Variants in NXPE2 observed in about 807,000 individuals in gnomAD.
The protein encoded by NXPE2 is NXPE family member 2.
NXPE2 carries 34 observed loss-of-function variants against 34.4 expected under a neutral mutation model. The observed-to-expected ratio is 0.99, with a 90% confidence interval of 0.75 to 1.31. NXPE2 has a LOEUF of 1.31. Among genes scored for constraint, NXPE2 ranks in the 40% most tolerant of loss-of-function variants. The pLI, the probability that NXPE2 is intolerant of heterozygous loss-of-function variation, is 0.00. For missense variants in NXPE2, 649 were observed against 672.5 expected (o/e 0.97, Z 0.39); for synonymous variants, 235 against 231.3 (o/e 1.02, Z -0.15).
chr11:114,655,762 A>C, the NXPE2 span, among the ~76,000 whole-genome samples: 76,012 of 152,000 alleles, frequency 0.5, 20,173 homozygotes, highest in East Asian at 0.79. Flanking sequence ...ATGTCAAGAA[A>C]AACCTCTCAA....
At chr11:114,554,686 G>T in the NXPE2 span, among the ~76,000 whole-genome samples, 1 of 152,172 alleles carries the variant, frequency 6.6e-6, no homozygotes. Context: ...TTTATTAACA[G>T]TACTGTGATA....
At chr11:114,490,738 C>T in the NXPE2 span, among the ~76,000 whole-genome samples, 16 of 152,198 alleles carry the variant, frequency 1.1e-4, no homozygotes, top group Non-Finnish European at 2.2e-4. Flanking sequence ...AGACCTAAAA[C>T]CATAAAAACC....
the NXPE2 span, among the ~76,000 whole-genome samples, chr11:114,640,684 A>T: frequency 2.0e-5 from 3 of 151,890 alleles, no homozygotes; most frequent in Admixed American, 6.6e-5. Flanking sequence ...TTATGCTTTT[A>T]ATTTCCATTT....
At chr11:114,492,829 G>A in the NXPE2 span, among the ~76,000 whole-genome samples, 2,570 of 152,270 alleles carry the variant, frequency 0.017, 84 homozygotes, top group African/African-American at 0.057. Flanking sequence ...ATGAGCCACT[G>A]CACCCAGCCT....
chr11:114,672,273 A>T, the NXPE2 span, among the ~76,000 whole-genome samples: 1 of 152,026 alleles, frequency 6.6e-6, no homozygotes, highest in Non-Finnish European at 1.5e-5. Context: ...CATAAAAACC[A>T]TGAATAATAA....
the NXPE2 span, among the ~76,000 whole-genome samples, chr11:114,516,956 A>C: frequency 6.6e-6 from 1 of 152,174 alleles, no homozygotes; most frequent in African/African-American, 2.4e-5. Flanking sequence ...GGCATCATGC[A>C]GTATTGCAAT....
At chr11:114,611,642 G>A in the NXPE2 span, among the ~76,000 whole-genome samples, 6 of 146,350 alleles carry the variant, frequency 4.1e-5, no homozygotes, top group African/African-American at 1.0e-4. Flanking sequence ...CTCGTGTGTA[G>A]CCACTGTTAC....
At chr11:114,577,177 TATAA>T in the NXPE2 span, among the ~76,000 whole-genome samples, 23 of 146,990 alleles carry the variant, frequency 1.6e-4, no homozygotes, top group African/African-American at 5.7e-4. Flanking sequence ...TATATATATA[TATAA>T]AATGTTATAC....
the NXPE2 span, among the ~76,000 whole-genome samples, chr11:114,555,594 C>A: frequency 6.6e-6 from 1 of 152,176 alleles, no homozygotes; most frequent in Admixed American, 6.6e-5. Context: ...GTACCCATCA[C>A]AATCAATAAG....
chr11:114,795,098 G>T, the NXPE2 span, among the ~76,000 whole-genome samples: 5 of 152,280 alleles, frequency 3.3e-5, no homozygotes, highest in East Asian at 9.6e-4. Context: ...GTAATCAATG[G>T]TAGTTTTTGC....
chr11:114,747,935 C>T, the NXPE2 span, among the ~76,000 whole-genome samples: 89 of 152,320 alleles, frequency 5.8e-4, 1 homozygote, highest in Admixed American at 3.7e-3. Flanking sequence ...TCCTATTTAG[C>T]TGAATTTTGT....
the NXPE2 span, among the ~76,000 whole-genome samples, chr11:114,744,729 G>A: frequency 1.3e-5 from 2 of 152,170 alleles, no homozygotes; most frequent in Non-Finnish European, 2.9e-5. Flanking sequence ...AAGATCTCTT[G>A]AGCCCAGGAG....
the NXPE2 span, among the ~76,000 whole-genome samples, chr11:114,746,328 C>G: frequency 6.6e-6 from 1 of 152,068 alleles, no homozygotes; most frequent in Admixed American, 6.6e-5. Context: ...GGATTTCTGT[C>G]AAGGATATCA....
At chr11:114,528,733 G>C in the NXPE2 span, 2 of 565,596 alleles carry the variant, frequency 3.5e-6, no homozygotes, top group South Asian at 2.3e-5. Flanking sequence ...GTGGAGGAAG[G>C]AAGAAAGGGA....
At chr11:114,718,043 C>T in the NXPE2 span, among the ~76,000 whole-genome samples, 5 of 152,126 alleles carry the variant, frequency 3.3e-5, no homozygotes, top group African/African-American at 1.2e-4. Flanking sequence ...CAATGCTGGG[C>T]TCAATTGTGT....
chr11:114,646,816 G>T, the NXPE2 span, among the ~76,000 whole-genome samples: 1 of 152,028 alleles, frequency 6.6e-6, no homozygotes, highest in African/African-American at 2.4e-5. Flanking sequence ...TAAGACTATG[G>T]TTACAAAGCA....
chr11:114,755,678 ATCTGTCTG>A, the NXPE2 span, among the ~76,000 whole-genome samples: 45 of 150,980 alleles, frequency 3.0e-4, no homozygotes, highest in African/African-American at 1.1e-3. Context: ...TTATCTATCT[ATCTGTCTG>A]TCTATCTATC....
At chr11:114,591,037 G>A in the NXPE2 span, among the ~76,000 whole-genome samples, 2 of 152,262 alleles carry the variant, frequency 1.3e-5, no homozygotes, top group African/African-American at 2.4e-5. Context: ...GATCTATGAA[G>A]CCAGGGAGGA....
the NXPE2 span, among the ~76,000 whole-genome samples, chr11:114,570,221 G>A: frequency 2.0e-5 from 3 of 151,946 alleles, no homozygotes; most frequent in African/African-American, 7.3e-5. Flanking sequence ...GACTTTTTTG[G>A]TCTCTCCAGT....
Sources: allele counts gnomAD v4.1 joint callset (sites outside exome capture counted in the v4.1 genomes callset), GRCh38; gene constraint gnomAD v4.1.1; transcripts MANE v1.5; gene names NCBI Gene and HGNC (gene_info 2026-07-23, HGNC 2026-07-21).